The following TCF12 variants were observed in gnomAD, a reference collection of about 807,000 sequenced individuals.
The protein encoded by TCF12 is DNA-binding protein HTF4.
Under a neutral mutation model 86.0 loss-of-function variants are expected in TCF12, and 45 were observed. That is an observed-to-expected ratio of 0.52 (90% confidence interval 0.41 to 0.67). The LOEUF (loss-of-function observed/expected upper bound fraction) is 0.67, where lower values mean the gene tolerates loss of function less well. Ranked by LOEUF, TCF12 falls within the 30% of genes least tolerant of loss-of-function variation. The pLI is 0.00. For synonymous variants in TCF12, 330 were observed against 299.6 expected, an observed-to-expected ratio of 1.10 and a Z score of -1.05; for missense variants, 881 against 859.9, an observed-to-expected ratio of 1.02 and a Z score of -0.31.
rs755130628 is a variant in TCF12, at chr15:57,253,250, T to C, written c.1261-12T>C. 1 of 1,612,774 alleles carries C rather than the reference T, an allele frequency of 6.2e-7. No individual in the cohort carries two copies. Among genetic ancestry groups the C allele is most frequent in the Non-Finnish European group, 8.5e-7 (1 of 1,179,090 alleles). On this transcript the variant is annotated splice_polypyrimidine_tract_variant and intron_variant, in intron 15 of 20. Coordinates refer to ENST00000333725, the MANE Select transcript of TCF12 (RefSeq NM_207037.2). The stretch of plus-strand genomic sequence containing the variant: ...AGCAATAACCACCATGTTTTTTTTT[T>C]AATCCATACAGCAGTCTCGAATGGA...
intron 3 of TCF12, among the ~76,000 whole-genome samples, chr15:56,954,465 A>G (rs1413022852): frequency 6.6e-6 from 1 of 152,196 alleles, no homozygotes; most frequent in Non-Finnish European, 1.5e-5. Context: ...AACCATAAAA[A>G]TCCTAGAAGA....
intron 8 of TCF12, 65 bp from the exon 9 acceptor site, chr15:57,231,087 C>T (rs1036364276): frequency 2.4e-6 from 3 of 1,251,682 alleles, no homozygotes; most frequent in East Asian, 4.7e-5. Flanking sequence ...GAATATAGAA[C>T]TCATTTTACA....
At chr15:57,200,289 A>G (rs2057475239) in intron 8 of TCF12, among the ~76,000 whole-genome samples, 1 of 152,176 alleles carries the variant, frequency 6.6e-6, no homozygotes, top group Non-Finnish European at 1.5e-5. Flanking sequence ...TTAATAAATA[A>G]TGACAAAATA....
chr15:57,030,774 AT>A (rs1320928798), intron 3 of TCF12, among the ~76,000 whole-genome samples: 1 of 152,202 alleles, frequency 6.6e-6, no homozygotes, highest in Non-Finnish European at 1.5e-5. Flanking sequence ...GCATATTCAT[AT>A]ATAAGATTCA....
At chr15:56,937,266 T>C (rs1401741679) in intron 3 of TCF12, among the ~76,000 whole-genome samples, 1 of 152,202 alleles carries the variant, frequency 6.6e-6, no homozygotes. Flanking sequence ...GATTTGATTA[T>C]CAGTTTGGTC....
intron 12 of TCF12, among the ~76,000 whole-genome samples, chr15:57,242,099 C>CT (rs2059658701): frequency 6.6e-6 from 1 of 152,108 alleles, no homozygotes; most frequent in Non-Finnish European, 1.5e-5. Flanking sequence ...CATTTTTATG[C>CT]TTTCTTTAAA....
At chr15:57,067,433 G>C (rs912566819) in intron 4 of TCF12, among the ~76,000 whole-genome samples, 2 of 149,196 alleles carry the variant, frequency 1.3e-5, no homozygotes, top group Non-Finnish European at 3.0e-5. Context: ...CCAGCTACTT[G>C]GGAGGCTGAG....
chr15:57,177,433 A>G (rs1040595975), intron 6 of TCF12, among the ~76,000 whole-genome samples: 1 of 151,648 alleles, frequency 6.6e-6, no homozygotes, highest in Non-Finnish European at 1.5e-5. Context: ...TCACACCCAG[A>G]TAACTTTTTG....
chr15:56,999,526 C>T (rs972246454), intron 3 of TCF12, among the ~76,000 whole-genome samples: 11 of 152,234 alleles, frequency 7.2e-5, no homozygotes, highest in Middle Eastern at 3.4e-3. Context: ...GGGACAGTAA[C>T]TACCAAAACT....
chr15:56,964,778 T>G (rs2061930116), intron 3 of TCF12, among the ~76,000 whole-genome samples: 1 of 152,186 alleles, frequency 6.6e-6, no homozygotes, highest in Non-Finnish European at 1.5e-5. Flanking sequence ...AGGCACATAG[T>G]TAATACCTGG....
At chr15:57,262,337 T>G in intron 17 of TCF12, 129 bp downstream of exon 17, 1 of 718,726 alleles carries the variant, frequency 1.4e-6, no homozygotes, top group Non-Finnish European at 2.3e-6. Flanking sequence ...CCAAATAGCG[T>G]GGAGAGCAGA....
At chr15:57,086,345 C>T (rs558520174) in intron 4 of TCF12, among the ~76,000 whole-genome samples, 25 of 151,556 alleles carry the variant, frequency 1.6e-4, no homozygotes, top group Non-Finnish European at 2.9e-4. Flanking sequence ...GTGAAGTGAA[C>T]GCATTCTTAT....
chr15:57,163,777 A>T (rs576440309), intron 5 of TCF12, among the ~76,000 whole-genome samples: 8 of 152,326 alleles, frequency 5.3e-5, no homozygotes, highest in African/African-American at 1.9e-4. Flanking sequence ...TACACTTGCA[A>T]TTCTGACATA....
intron 18 of TCF12, among the ~76,000 whole-genome samples, chr15:57,265,242 T>C (rs759796564): frequency 4.1e-4 from 63 of 152,176 alleles, no homozygotes; most frequent in Middle Eastern, 3.4e-3. Flanking sequence ...GATTCCTAGC[T>C]AGAGCCTCTT....
At chr15:56,934,336 G>A (rs1004181732) in intron 3 of TCF12, among the ~76,000 whole-genome samples, 57 of 152,154 alleles carry the variant, frequency 3.7e-4, no homozygotes, top group Admixed American at 3.6e-3. Flanking sequence ...AAGAGTTAAC[G>A]TTTTAAAGAG....
intron 3 of TCF12, among the ~76,000 whole-genome samples, chr15:57,022,878 A>G (rs2065583960): frequency 6.6e-6 from 1 of 152,144 alleles, no homozygotes; most frequent in Non-Finnish European, 1.5e-5. Flanking sequence ...CCATGTGACT[A>G]GTAGAAGGAA....
At chr15:56,950,577 C>T (rs1595817451) in intron 3 of TCF12, among the ~76,000 whole-genome samples, 1 of 151,984 alleles carries the variant, frequency 6.6e-6, no homozygotes, top group South Asian at 2.1e-4. Flanking sequence ...TCTGTTTTGT[C>T]TGGCTTAAAT....
At chr15:57,266,918 A>G (rs2060896336) in intron 18 of TCF12, among the ~76,000 whole-genome samples, 1 of 152,194 alleles carries the variant, frequency 6.6e-6, no homozygotes. Flanking sequence ...AGTCCCAGCT[A>G]CTTGGGAGGG....
chr15:57,109,495 T>C (rs993391819), intron 5 of TCF12, among the ~76,000 whole-genome samples: 5 of 152,252 alleles, frequency 3.3e-5, no homozygotes, highest in Non-Finnish European at 5.9e-5. Flanking sequence ...GTATTTTGTT[T>C]ATCCTTTTTC....
Sources: allele counts gnomAD v4.1 joint callset (sites outside exome capture counted in the v4.1 genomes callset), GRCh38; gene constraint gnomAD v4.1.1; transcripts MANE v1.5; gene names NCBI Gene and HGNC (gene_info 2026-07-23, HGNC 2026-07-21).